RFX1: variants seen among roughly 807,000 people sequenced by gnomAD.
The protein encoded by RFX1 is regulatory factor X1.
Under a neutral mutation model 119.6 loss-of-function variants are expected in RFX1, and 42 were observed. The observed-to-expected ratio is 0.35, with a 90% CI of 0.27 to 0.45. The LOEUF (loss-of-function observed/expected upper bound fraction) is 0.45. Ranked by LOEUF, RFX1 falls within the 20% of genes least tolerant of loss-of-function variation. The pLI, the probability that RFX1 is intolerant of heterozygous loss-of-function variation, is 1.00. For missense variants in RFX1, 1,118 were observed against 1,368.1 expected (o/e 0.82, Z 2.88); for synonymous variants, 628 against 618.5 (o/e 1.02, Z -0.23).
rs922670319 is a variant in RFX1 at position 13,962,848 on chromosome 19, CTCT to C, written c.2784_2786del (p.Glu932del). ...GCAGCTCGTCCTCGCTCTCCTCCTC[CTCT>C]TCTTCCTCCTCGTCTGGAACACAGG... On this transcript the variant is annotated inframe_deletion, in exon 21 of 21. Transcript: ENST00000254325. 4 of 1,527,566 alleles carry C rather than the reference CTCT, an allele frequency of 2.6e-6. No individual in the cohort carries two copies. The highest frequency in any genetic ancestry group is 4.1e-5 in the Admixed American group (2 of 48,672). The allele number at this position is 1,527,566 out of a possible 1,614,324, so 94.6% of individuals were successfully genotyped here. A position where few individuals can be genotyped will look rare whatever the true frequency, so the allele number is the denominator to read the frequency against.
rs1214688293 is a variant in RFX1, at chr19:13,968,734, TCCCCGCCTGC to T, written c.1616+31_1616+40del. ...TGCTGGGGGCCGGCCTGTGTGCCCT[TCCCCGCCTGC>T]CCTGCCCTGGGTCCGGCCCTGCCTT... On this transcript the variant is annotated intron_variant, in intron 11 of 20. Transcript: ENST00000254325. The surrounding 1 kb of genome is among the most constrained non-coding windows in gnomAD (Gnocchi z 5.5). 1 of 1,607,138 alleles carries T rather than the reference TCCCCGCCTGC, an allele frequency of 6.2e-7. No individual in the cohort carries two copies. Among genetic ancestry groups the T allele is most frequent in the South Asian group, 1.1e-5 (1 of 90,702 alleles).
rs886098401 is a variant in RFX1 at position 13,985,544 on chromosome 19, G to T, written c.320-1949C>A. On this transcript the variant is annotated intron_variant, in intron 2 of 20. Coordinates refer to ENST00000254325, the MANE Select transcript of RFX1 (RefSeq NM_002918.5). The surrounding 1 kb of genome is among the most constrained non-coding windows in gnomAD (Gnocchi z 4.3). ...GAGACCAGAAGCAAGGAAGTGATCT[G>T]TCCAAGGTCAAATGCACCATCCACC... Among the ~76,000 whole-genome samples, 2 of 152,206 alleles carry T rather than the reference G, an allele frequency of 1.3e-5. No individual in the cohort carries two copies. Among genetic ancestry groups the T allele is most frequent in the Non-Finnish European group, 1.5e-5 (1 of 68,042 alleles).
chr19:13,986,423 CG>C lies in RFX1; in HGVS notation c.320-2829del, dbSNP rs1234881810. The stretch of plus-strand genomic sequence containing the variant: ...CAGGAGGGCGCCAGGGGATGCGCCA[CG>C]AGGCTAACAGGTGAGCCTGAGTGAC... On this transcript the variant is annotated intron_variant, in intron 2 of 20. Transcript: ENST00000254325. The surrounding 1 kb of genome is among the most constrained non-coding windows in gnomAD (Gnocchi z 4.2). Among the ~76,000 whole-genome samples, 1 of 152,194 alleles carries C rather than the reference CG, an allele frequency of 6.6e-6. No homozygotes were observed. Among genetic ancestry groups the C allele is most frequent in the Admixed American group, 6.5e-5 (1 of 15,286 alleles).
intron 1 of RFX1, among the ~76,000 whole-genome samples, chr19:13,999,025 T>C (rs1291269211): frequency 6.6e-6 from 1 of 152,186 alleles, no homozygotes; most frequent in Non-Finnish European, 1.5e-5. Flanking sequence ...AACTTCTCTA[T>C]TGGAGGCCTT....
intron 2 of RFX1, among the ~76,000 whole-genome samples, chr19:13,989,267 T>C (rs1317910975): frequency 6.6e-6 from 1 of 151,590 alleles, no homozygotes; most frequent in Non-Finnish European, 1.5e-5. Context: ...TGTGAGGGGA[T>C]GGGTGGAAGT....
intron 17 of RFX1, 47 bp from the exon 18 acceptor site, chr19:13,963,793 C>T (rs781366597): frequency 2.3e-5 from 35 of 1,498,440 alleles, no homozygotes; most frequent in East Asian, 7.6e-5. Flanking sequence ...GCCGCCGTCA[C>T]CCCCGCCTGG....
intron 1 of RFX1, among the ~76,000 whole-genome samples, chr19:13,997,106 C>T (rs1453526498): frequency 2.6e-5 from 4 of 152,144 alleles, no homozygotes; most frequent in African/African-American, 9.7e-5. Context: ...AAAGGTTACG[C>T]CCCCTGCCCA....
In RFX1 at chr19:13,983,454, C is replaced by T. The variant is rs531039226; in HGVS notation, c.429+32G>A. 2.1e-5 allele frequency: 33 copies of T among 1,540,202 alleles called. No homozygotes were observed. In the East Asian group the frequency reaches 7.0e-4, roughly 33 times the overall value. On this transcript the variant is annotated intron_variant, in intron 3 of 20. Coordinates refer to ENST00000254325, the MANE Select transcript of RFX1 (RefSeq NM_002918.5). ...GCCTGCACTGCCCCCCTCCCGGGCC[C>T]TCCCCCACCCCCTGGGAGGGCCACA...
chr19:13,975,218 G>A (rs1045778465), intron 8 of RFX1, among the ~76,000 whole-genome samples: 2 of 151,792 alleles, frequency 1.3e-5, no homozygotes, highest in Non-Finnish European at 1.5e-5. Flanking sequence ...TTAGCCGGGT[G>A]TGGTGGTGGG....
rs1171705680 is a variant in RFX1, at chr19:13,961,910, CGGA to C, written c.*782_*784del. 4 of 152,286 alleles carry C rather than the reference CGGA, an allele frequency of 2.6e-5. No homozygotes were observed. Among genetic ancestry groups the C allele is most frequent in the Middle Eastern group, 3.4e-3 (1 of 294 alleles). The allele number at this position is 152,286 out of a possible 1,614,324, so 9.4% of individuals were successfully genotyped here. A position where few individuals can be genotyped will look rare whatever the true frequency, so the allele number is the denominator to read the frequency against. On this transcript the variant is annotated 3_prime_UTR_variant, in exon 21 of 21. Coordinates refer to ENST00000254325, the MANE Select transcript of RFX1 (RefSeq NM_002918.5). ...GTCATGGGGTGGGGGTCGCACGGCA[CGGA>C]GGAGAAGCGTGGTCTCCGGGAAGAT...
chr19:13,999,666 G>T (rs571304547), intron 1 of RFX1, among the ~76,000 whole-genome samples: 11 of 147,912 alleles, frequency 7.4e-5, no homozygotes, highest in Admixed American at 7.4e-4. Flanking sequence ...TGAACCCTGT[G>T]TTTTTTTTTT....
chr19:13,965,477 T>C lies in RFX1; in HGVS notation c.2183A>G (p.Asn728Ser), dbSNP rs1568457810. ...CACCCGCAGCATCTCCTCGGGGATG[T>C]TGACCATGGCGTGGGTGAGCCAGCT... The part of the protein sequence containing the change: ...LESWLTHAMV[N>S]IPEEMLRVKV... The change falls in exon 16 of 21, where the codon AAC becomes AGC. Residue 728 changes from asparagine to serine, a missense_variant. Asn to Ser is a conservative substitution (Grantham distance 46, BLOSUM62 1). Coordinates refer to ENST00000254325, the MANE Select transcript of RFX1 (RefSeq NM_002918.5). The surrounding 1 kb of genome is among the most constrained non-coding windows in gnomAD (Gnocchi z 4.7). 5.6e-6 allele frequency: 9 copies of C among 1,613,986 alleles called. No homozygotes were observed. Among genetic ancestry groups the C allele is most frequent in the Admixed American group, 5.0e-5 (3 of 60,012 alleles).
intron 8 of RFX1, among the ~76,000 whole-genome samples, chr19:13,975,782 A>C (rs916063542): frequency 6.6e-6 from 1 of 152,236 alleles, no homozygotes; most frequent in Admixed American, 6.5e-5. Flanking sequence ...AGGACCAGGG[A>C]TGGAGGCCCA....
intron 8 of RFX1, among the ~76,000 whole-genome samples, chr19:13,975,559 C>T (rs1025545041): frequency 3.3e-5 from 5 of 152,102 alleles, no homozygotes; most frequent in Admixed American, 6.6e-5. Flanking sequence ...GTCCAGCTCT[C>T]GATCTCTCTG....
Position 13,969,040 on chromosome 19 carries a change from G to A in RFX1, c.1497-146C>T. 5.8e-6 allele frequency: 5 copies of A among 863,688 alleles called. No individual in the cohort carries two copies. Among genetic ancestry groups the A allele is most frequent in the Non-Finnish European group, 5.2e-6 (3 of 574,252 alleles). The allele number at this position is 863,688 out of a possible 1,614,324, so 53.5% of individuals were successfully genotyped here. On this transcript the variant is annotated intron_variant, in intron 10 of 20. Coordinates refer to ENST00000254325, the MANE Select transcript of RFX1 (RefSeq NM_002918.5). This position sits in a 1 kb window ranked among gnomAD's most constrained non-coding sequence, Gnocchi z 4.5. ...TGCAGAGACGGGGGTGCTGCACTGAGGAGGCACAGGGGCTGTGGGTGTCAG... is the reference window on the plus strand; with the variant it reads ...TGCAGAGACGGGGGTGCTGCACTGAAGAGGCACAGGGGCTGTGGGTGTCAG...
chr19:13,962,386 G>A lies in RFX1; in HGVS notation c.*309C>T. 2.3e-6 allele frequency: 1 copy of A among 438,238 alleles called. No homozygotes were observed. Among genetic ancestry groups the A allele is most frequent in the Non-Finnish European group, 4.1e-6 (1 of 245,268 alleles). The allele number at this position is 438,238 out of a possible 1,614,324, so 27.1% of individuals were successfully genotyped here. A position where few individuals can be genotyped will look rare whatever the true frequency, so the allele number is the denominator to read the frequency against. On this transcript the variant is annotated 3_prime_UTR_variant, in exon 21 of 21. Transcript: ENST00000254325. ...CCCCCTGGGGTGGTGGGAGGACGGG[G>A]CTGGGGAGAAGACGCTGGGGCCTGG...
Position 13,990,527 on chromosome 19 carries a change from A to C in RFX1, c.319+2998T>G, listed in dbSNP as rs569686295. Among the ~76,000 whole-genome samples the C allele has an allele frequency of 2.0e-5, 3 of 151,168 alleles. No homozygotes were observed. The highest frequency in any genetic ancestry group is 4.4e-5 in the Non-Finnish European group (3 of 67,754). On this transcript the variant is annotated intron_variant, in intron 2 of 20. Coordinates refer to ENST00000254325, the MANE Select transcript of RFX1 (RefSeq NM_002918.5). The surrounding 1 kb of genome is among the most constrained non-coding windows in gnomAD (Gnocchi z 4.1). ...GAGACTCTGTCTCTACAAAAAAATT[A>C]AAAGATTAGGCCGGGCGCGGTGGCT...
At position 13,963,524 on chromosome 19, in the gene RFX1, C is replaced by A. The variant is rs936241808; in HGVS notation, c.2570+14G>T. The A allele has an allele frequency of 6.3e-7, 1 of 1,595,480 alleles. No individual in the cohort carries two copies. Among genetic ancestry groups the A allele is most frequent in the East Asian group, 2.3e-5 (1 of 44,312 alleles). ...CCCTGGTGCCGCCCGGACCCGATCC[C>A]GCCGCGCGCGCACCTGTAGAAGGAC... On this transcript the variant is annotated intron_variant, in intron 18 of 20. Transcript: ENST00000254325.
intron 1 of RFX1, among the ~76,000 whole-genome samples, chr19:14,001,489 T>C (rs1251055051): frequency 1.3e-5 from 2 of 152,218 alleles, no homozygotes; most frequent in South Asian, 4.1e-4. Context: ...TTTTAAGAGA[T>C]GGGGTCTCGC....
Sources: allele counts gnomAD v4.1 joint callset (sites outside exome capture counted in the v4.1 genomes callset), GRCh38; gene constraint gnomAD v4.1.1; non-coding constraint Gnocchi (gnomAD v3.1); transcripts MANE v1.5; gene names NCBI Gene and HGNC (gene_info 2026-07-23, HGNC 2026-07-21).